CEP85L: variants seen among roughly 807,000 people sequenced by gnomAD.
CEP85L encodes the protein centrosomal protein of 85 kDa-like.
A neutral mutation model predicts 100.3 loss-of-function variants in CEP85L; 60 were observed. The observed-to-expected ratio is 0.60, with a 90% CI of 0.49 to 0.74. The LOEUF is 0.74. Among genes scored for constraint, CEP85L ranks in the 30% least tolerant of loss-of-function variants. CEP85L has a pLI of 0.00. For missense variants in CEP85L, 973 were observed against 936.2 expected (o/e 1.04, Z -0.51); for synonymous variants, 319 against 322.7 (o/e 0.99, Z 0.12).
intron 8 of CEP85L, among the ~76,000 whole-genome samples, chr6:118,480,868 T>C (rs1040111283): frequency 1.3e-5 from 2 of 152,150 alleles, no homozygotes; most frequent in Non-Finnish European, 2.9e-5. Flanking sequence ...GTTCCTTGAT[T>C]AAGATGATCA....
At chr6:118,579,384 AC>A (rs1934408823) in intron 2 of CEP85L, among the ~76,000 whole-genome samples, 1 of 151,258 alleles carries the variant, frequency 6.6e-6, no homozygotes, top group South Asian at 2.1e-4. Flanking sequence ...AAAAACAGTG[AC>A]TTTTTACATT....
At position 118,479,863 on chromosome 6, in the gene CEP85L, T is replaced by C; in HGVS notation, c.1914+8A>G. 6.8e-7 allele frequency: 1 copy of C among 1,460,170 alleles called. No individual in the cohort carries two copies. The highest frequency in any genetic ancestry group is 2.4e-5 in the East Asian group (1 of 41,572). 90.5% of individuals were successfully genotyped at this position (1,460,170 alleles called of 1,614,324 possible). ...GCTAAATTAAAATAAGCACAAAATATTCCTTACCTGAATTTCTAAAATCAT... is the reference window on the plus strand; with the variant it reads ...GCTAAATTAAAATAAGCACAAAATACTCCTTACCTGAATTTCTAAAATCAT... On this transcript the variant is annotated splice_region_variant and intron_variant, in intron 10 of 12. Coordinates refer to ENST00000368491, the MANE Select transcript of CEP85L (RefSeq NM_001042475.3).
intron 3 of CEP85L, chr6:118,559,649 A>T (rs191057969): frequency 5.9e-6 from 1 of 169,258 alleles, no homozygotes; most frequent in East Asian, 1.9e-4. Flanking sequence ...CAGAAATTGT[A>T]TTTTTTCTAT....
At chr6:118,579,838 G>A (rs185666225) in intron 2 of CEP85L, among the ~76,000 whole-genome samples, 15 of 152,292 alleles carry the variant, frequency 9.8e-5, no homozygotes, top group Middle Eastern at 3.4e-3. Flanking sequence ...CCTGAAGGGC[G>A]GGCCAGCAAG....
chr6:118,632,558 T>G lies in CEP85L; in HGVS notation c.127A>C (p.Thr43Pro), dbSNP rs995076767. The G allele has an allele frequency of 6.2e-7, 1 of 1,613,248 alleles. No homozygotes were observed. The highest frequency in any genetic ancestry group is 8.5e-7 in the Non-Finnish European group (1 of 1,179,666). Residue 43 changes from threonine (T) to proline (P), a missense_variant, in exon 2 of 13, where the codon ACA (threonine) becomes CCA (proline). This residue lies in a region of CEP85L where 79 missense variants were observed against 73.3 expected (regional missense o/e 1.08). Transcript: ENST00000368491. The stretch of plus-strand genomic sequence containing the variant: ...TTTCGATGGTTAGATGGAACAGTTG[T>G]GGCCTGCCACAATGATTCATTAGCA... Reference protein sequence around the residue: ...LPANESLWQATTVPSNHRNNH... With the variant: ...LPANESLWQAPTVPSNHRNNH...
intron 3 of CEP85L, among the ~76,000 whole-genome samples, chr6:118,534,521 C>T (rs1777474733): frequency 6.6e-6 from 1 of 151,954 alleles, no homozygotes; most frequent in Non-Finnish European, 1.5e-5. Flanking sequence ...GGCGTGGTGG[C>T]ACATGCCTGT....
chr6:118,491,536 A>G (rs1774571195), intron 6 of CEP85L, 150 bp downstream of exon 6: 1 of 1,418,414 alleles, frequency 7.1e-7, no homozygotes, highest in Non-Finnish European at 9.2e-7. Context: ...CAGACAGCAG[A>G]GGGCTTCTCA....
At chr6:118,677,135 A>G (rs1452436991) in intron 1 of CEP85L, among the ~76,000 whole-genome samples, 3 of 152,198 alleles carry the variant, frequency 2.0e-5, no homozygotes, top group African/African-American at 7.2e-5. Context: ...AGCTTTGGGC[A>G]AATCATTTCA....
chr6:118,549,183 T>C (rs1004030548), intron 3 of CEP85L, among the ~76,000 whole-genome samples: 3 of 152,018 alleles, frequency 2.0e-5, no homozygotes, highest in Non-Finnish European at 4.4e-5. Flanking sequence ...TATCTTATTT[T>C]CACACAAATT....
At chr6:118,690,332 C>A (rs1321222061) in intron 1 of CEP85L, among the ~76,000 whole-genome samples, 1 of 152,194 alleles carries the variant, frequency 6.6e-6, no homozygotes, top group African/African-American at 2.4e-5. Flanking sequence ...ATACCCAAAT[C>A]TTCAGAATGA....
chr6:118,506,129 T>C (rs1368867629), intron 5 of CEP85L, among the ~76,000 whole-genome samples: 1 of 152,108 alleles, frequency 6.6e-6, no homozygotes, highest in Non-Finnish European at 1.5e-5. Context: ...TCCTGGAAAA[T>C]CATGCACTAA....
chr6:118,572,006 A>C (rs1332449098), intron 2 of CEP85L, among the ~76,000 whole-genome samples: 2 of 151,740 alleles, frequency 1.3e-5, no homozygotes, highest in Non-Finnish European at 2.9e-5. Flanking sequence ...ACAGGCAAGC[A>C]CCACCACACC....
At chr6:118,674,694 A>G (rs1015118475) in intron 1 of CEP85L, among the ~76,000 whole-genome samples, 1 of 152,236 alleles carries the variant, frequency 6.6e-6, no homozygotes, top group African/African-American at 2.4e-5. Flanking sequence ...GCATGACCAT[A>G]AAGCAAGTGA....
intron 5 of CEP85L, among the ~76,000 whole-genome samples, chr6:118,505,409 C>CAAAAAAAAAAAAAAAAAAA (rs56893664): frequency 1.1e-4 from 8 of 71,824 alleles, no homozygotes; most frequent in South Asian, 5.0e-4. Context: ...TCACTGTACT[C>CAAAAAAAAAAAAAAAAAAA]AAAAAAAAAA....
intron 2 of CEP85L, among the ~76,000 whole-genome samples, chr6:118,620,671 G>A (rs564425285): frequency 4.7e-4 from 71 of 152,226 alleles, no homozygotes; most frequent in Non-Finnish European, 8.4e-4. Context: ...ACAGAGCCCC[G>A]GGTAAGCTCA....
chr6:118,629,073 T>C (rs893438226), intron 2 of CEP85L, among the ~76,000 whole-genome samples: 5 of 152,188 alleles, frequency 3.3e-5, no homozygotes, highest in African/African-American at 1.2e-4. Context: ...CAATATAGTA[T>C]GGCAACTATT....
chr6:118,483,250 A>G (rs1228206761), intron 7 of CEP85L, among the ~76,000 whole-genome samples: 1 of 152,144 alleles, frequency 6.6e-6, no homozygotes, highest in Non-Finnish European at 1.5e-5. Context: ...AAAATAAATA[A>G]AAGAAAAAGT....
intron 1 of CEP85L, among the ~76,000 whole-genome samples, chr6:118,691,261 G>A (rs1362418283): frequency 1.3e-5 from 2 of 151,866 alleles, no homozygotes; most frequent in East Asian, 1.9e-4. Flanking sequence ...GGCCAGGCAT[G>A]GTAGCTCACG....
chr6:118,609,185 A>G (rs1308330217), intron 2 of CEP85L, among the ~76,000 whole-genome samples: 1 of 152,244 alleles, frequency 6.6e-6, no homozygotes, highest in Non-Finnish European at 1.5e-5. Context: ...TGAACAGCAA[A>G]AGGTCTGGAA....
Sources: allele counts gnomAD v4.1 joint callset (sites outside exome capture counted in the v4.1 genomes callset), GRCh38; gene constraint gnomAD v4.1.1; regional missense constraint gnomAD v4.1.1; transcripts MANE v1.5; gene names NCBI Gene and HGNC (gene_info 2026-07-23, HGNC 2026-07-21).